The following CNTNAP2 variants were observed in gnomAD, a reference collection of about 807,000 sequenced individuals.
CNTNAP2 encodes contactin-associated protein-like 2.
CNTNAP2 carries 98 observed loss-of-function variants against 155.2 expected under a neutral mutation model. The observed-to-expected ratio is 0.63, with a 90% CI of 0.54 to 0.75. The LOEUF is 0.75. Ranked by LOEUF, CNTNAP2 falls within the 30% of genes least tolerant of loss-of-function variation. CNTNAP2 has a pLI of 0.00. For missense variants in CNTNAP2, 1,727 were observed against 1,688.1 expected (o/e 1.02, Z -0.40); for synonymous variants, 651 against 631.2 (o/e 1.03, Z -0.47).
chr7:147,653,364 G>A (rs927565983), intron 13 of CNTNAP2, among the ~76,000 whole-genome samples: 4 of 151,982 alleles, frequency 2.6e-5, no homozygotes, highest in Admixed American at 2.0e-4. Flanking sequence ...AGAGTTCTCC[G>A]AGATCCTGTT....
intron 1 of CNTNAP2, among the ~76,000 whole-genome samples, chr7:146,750,379 A>G (rs1801882791): frequency 1.3e-5 from 2 of 152,188 alleles, no homozygotes; most frequent in Non-Finnish European, 2.9e-5. Context: ...CTCGTCTTAC[A>G]ATCATTAATT....
At chr7:146,629,044 T>A (rs1366689810) in intron 1 of CNTNAP2, among the ~76,000 whole-genome samples, 1 of 152,176 alleles carries the variant, frequency 6.6e-6, no homozygotes, top group Non-Finnish European at 1.5e-5. Flanking sequence ...AATGGTTGAT[T>A]TCCCTTATCT....
At chr7:146,783,774 C>T (rs1802529152) in intron 2 of CNTNAP2, among the ~76,000 whole-genome samples, 1 of 152,208 alleles carries the variant, frequency 6.6e-6, no homozygotes, top group Non-Finnish European at 1.5e-5. Context: ...CACGTATATA[C>T]ATACAAGTTT....
At chr7:147,021,191 T>C (rs1798811842) in intron 3 of CNTNAP2, among the ~76,000 whole-genome samples, 1 of 151,780 alleles carries the variant, frequency 6.6e-6, no homozygotes, top group African/African-American at 2.4e-5. Flanking sequence ...AACCTTATGA[T>C]TTTTTTTGGC....
chr7:147,140,942 G>T (rs922410605), intron 8 of CNTNAP2, among the ~76,000 whole-genome samples: 9 of 152,052 alleles, frequency 5.9e-5, no homozygotes, highest in African/African-American at 2.2e-4. Flanking sequence ...AGACTCCGGG[G>T]CCATCCAGAT....
intron 1 of CNTNAP2, among the ~76,000 whole-genome samples, chr7:146,457,166 T>C (rs1363793027): frequency 6.6e-6 from 1 of 151,866 alleles, no homozygotes; most frequent in Admixed American, 6.6e-5. Flanking sequence ...AAGTGGTAAT[T>C]CAAGATAAAT....
chr7:148,170,066 A>T (rs6975186), intron 17 of CNTNAP2, among the ~76,000 whole-genome samples: 48,503 of 152,092 alleles, frequency 0.32, 8,475 homozygotes, highest in African/African-American at 0.46. Flanking sequence ...GTATGTTCAT[A>T]GAAAAATGAA....
chr7:147,604,349 T>C (rs1340134520), intron 12 of CNTNAP2, among the ~76,000 whole-genome samples: 1 of 152,096 alleles, frequency 6.6e-6, no homozygotes, highest in Non-Finnish European at 1.5e-5. Flanking sequence ...ATATCCAGAA[T>C]CTACAAAGAA....
chr7:147,366,781 GCACACACACACACA>G (rs71182194), intron 9 of CNTNAP2, among the ~76,000 whole-genome samples: 1 of 105,962 alleles, frequency 9.4e-6, no homozygotes, highest in Non-Finnish European at 2.5e-5. Flanking sequence ...TTTGTTGCAC[GCACACACACACACA>G]CACACACACA....
At chr7:147,815,532 C>T (rs912252615) in intron 13 of CNTNAP2, among the ~76,000 whole-genome samples, 34 of 152,288 alleles carry the variant, frequency 2.2e-4, no homozygotes, top group African/African-American at 8.2e-4. Flanking sequence ...TCTTCCACAT[C>T]CTTCTTCTGC....
In CNTNAP2 at chr7:146,218,064, G is replaced by A. The variant is rs550363044; in HGVS notation, c.97+101091G>A. ...AAATTATACAGGCACACCTTCCCAG[G>A]TGTGCTATCCTCCCACCTCTGTTTT... On this transcript the variant is annotated intron_variant, in intron 1 of 23. Transcript: ENST00000361727. Among the ~76,000 whole-genome samples the A allele has an allele frequency of 6.6e-5, 10 of 152,208 alleles. No homozygotes were observed. The East Asian group carries it at 1.9e-3, about 30-fold the overall frequency.
At chr7:146,906,628 C>T (rs1400183726) in intron 3 of CNTNAP2, among the ~76,000 whole-genome samples, 1 of 152,018 alleles carries the variant, frequency 6.6e-6, no homozygotes, top group African/African-American at 2.4e-5. Context: ...ATAGAAAGGA[C>T]ATCCACACCG....
chr7:146,169,978 C>T (rs1798365310), intron 1 of CNTNAP2, among the ~76,000 whole-genome samples: 2 of 151,302 alleles, frequency 1.3e-5, no homozygotes, highest in South Asian at 4.2e-4. Flanking sequence ...TGGATATATA[C>T]CCAAAAGTGG....
At chr7:146,473,879 T>G (rs1003392977) in intron 1 of CNTNAP2, among the ~76,000 whole-genome samples, 2 of 152,218 alleles carry the variant, frequency 1.3e-5, no homozygotes, top group Non-Finnish European at 2.9e-5. Flanking sequence ...ATATTTACAT[T>G]TTGATTACTT....
chr7:147,155,230 A>G (rs1801899650), intron 8 of CNTNAP2, among the ~76,000 whole-genome samples: 1 of 152,156 alleles, frequency 6.6e-6, no homozygotes, highest in Non-Finnish European at 1.5e-5. Context: ...GCCTTCTGCC[A>G]TGTGAGGACA....
chr7:147,111,138 T>A (rs1245763923), intron 5 of CNTNAP2, among the ~76,000 whole-genome samples: 2 of 152,122 alleles, frequency 1.3e-5, no homozygotes, highest in South Asian at 2.1e-4. Flanking sequence ...GATGTAGAGA[T>A]TTTTTTTCAT....
At chr7:146,312,015 G>T (rs890804941) in intron 1 of CNTNAP2, among the ~76,000 whole-genome samples, 2 of 152,052 alleles carry the variant, frequency 1.3e-5, no homozygotes, top group Non-Finnish European at 2.9e-5. Flanking sequence ...TTTTTCTAAG[G>T]ATTTTCAATG....
chr7:147,007,392 C>T (rs1798544845), intron 3 of CNTNAP2, among the ~76,000 whole-genome samples: 2 of 152,138 alleles, frequency 1.3e-5, no homozygotes, highest in Admixed American at 6.6e-5. Context: ...TTCCTGCTAT[C>T]TGTCTGTCTA....
At chr7:146,521,165 T>C (rs573487203) in intron 1 of CNTNAP2, among the ~76,000 whole-genome samples, 14 of 152,000 alleles carry the variant, frequency 9.2e-5, no homozygotes, top group Middle Eastern at 3.4e-3. Context: ...CTTTCCTATA[T>C]AGAACCAAAG....
Sources: allele counts gnomAD v4.1 joint callset (sites outside exome capture counted in the v4.1 genomes callset), GRCh38; gene constraint gnomAD v4.1.1; transcripts MANE v1.5; gene names NCBI Gene and HGNC (gene_info 2026-07-23, HGNC 2026-07-21).